The following PARD3 variants were observed in gnomAD, a reference collection of about 807,000 sequenced individuals.
PARD3 encodes partitioning defective 3 homolog.
Under a neutral mutation model 155.4 loss-of-function variants are expected in PARD3, and 75 were observed. The ratio of observed to expected loss-of-function variants is 0.48; its 90% CI spans 0.40 to 0.58. The LOEUF (loss-of-function observed/expected upper bound fraction) is 0.58, where lower values mean the gene tolerates loss of function less well. Among genes scored for constraint, PARD3 ranks in the 20% least tolerant of loss-of-function variants. PARD3 has a pLI of 0.00. For missense variants in PARD3, 1,642 were observed against 1,721.7 expected (o/e 0.95, Z 0.82); for synonymous variants, 576 against 610.5 (o/e 0.94, Z 0.83).
intron 1 of PARD3, among the ~76,000 whole-genome samples, chr10:34,712,871 C>T (rs773095660): frequency 2.0e-5 from 3 of 152,002 alleles, no homozygotes; most frequent in Non-Finnish European, 4.4e-5. Flanking sequence ...CAGCATCATG[C>T]AATATACCCA....
At chr10:34,625,833 C>G (rs939600839) in intron 2 of PARD3, among the ~76,000 whole-genome samples, 9 of 152,134 alleles carry the variant, frequency 5.9e-5, no homozygotes, top group African/African-American at 2.2e-4. Context: ...ATAGCTTGAA[C>G]TGGGGAAGCG....
chr10:34,363,861 T>C (rs1040692326), intron 12 of PARD3, among the ~76,000 whole-genome samples: 5 of 152,222 alleles, frequency 3.3e-5, no homozygotes, highest in Non-Finnish European at 5.9e-5. Context: ...CCTTTGCCCA[T>C]TTCTCCATTA....
At chr10:34,724,354 TG>T (rs1188970677) in intron 1 of PARD3, among the ~76,000 whole-genome samples, 1 of 152,216 alleles carries the variant, frequency 6.6e-6, no homozygotes. Flanking sequence ...CCTCTTGCAG[TG>T]GTGAAGATAG....
chr10:34,127,389 A>G (rs1947344670), intron 23 of PARD3, among the ~76,000 whole-genome samples: 1 of 152,172 alleles, frequency 6.6e-6, no homozygotes, highest in South Asian at 2.1e-4. Flanking sequence ...ACCACCGCAC[A>G]CTGATGTGGT....
intron 2 of PARD3, among the ~76,000 whole-genome samples, chr10:34,630,466 G>A (rs367741215): frequency 1.4e-5 from 2 of 143,940 alleles, no homozygotes; most frequent in South Asian, 2.2e-4. Context: ...TTTTTCTTCC[G>A]GAGACAGGGT....
At chr10:34,531,518 C>T (rs1470247044) in intron 2 of PARD3, among the ~76,000 whole-genome samples, 1 of 152,184 alleles carries the variant, frequency 6.6e-6, no homozygotes, top group Non-Finnish European at 1.5e-5. Context: ...TTTAACCATC[C>T]TGCATCCACA....
At chr10:34,383,324 G>C in intron 8 of PARD3, among the ~76,000 whole-genome samples, 1 of 149,602 alleles carries the variant, frequency 6.7e-6, no homozygotes, top group African/African-American at 2.4e-5. Flanking sequence ...TTCAAAGAAA[G>C]ACAGAGCTTT....
intron 2 of PARD3, among the ~76,000 whole-genome samples, chr10:34,670,856 G>T (rs1390191567): frequency 6.6e-6 from 1 of 152,148 alleles, no homozygotes; most frequent in African/African-American, 2.4e-5. Context: ...AAGGAACTTG[G>T]ATCATCATCA....
chr10:34,741,862 G>C (rs183418283), intron 1 of PARD3, among the ~76,000 whole-genome samples: 1 of 152,154 alleles, frequency 6.6e-6, no homozygotes, highest in Non-Finnish European at 1.5e-5. Flanking sequence ...ACCATTACTG[G>C]TTTTTGTAAA....
intron 4 of PARD3, among the ~76,000 whole-genome samples, chr10:34,469,328 C>T (rs1208722990): frequency 1.3e-5 from 2 of 152,168 alleles, no homozygotes; most frequent in African/African-American, 4.8e-5. Flanking sequence ...CCAGGCGGGC[C>T]TTGACCTCCT....
At chr10:34,350,293 C>G (rs985349514) in intron 14 of PARD3, among the ~76,000 whole-genome samples, 1 of 152,150 alleles carries the variant, frequency 6.6e-6, no homozygotes, top group Non-Finnish European at 1.5e-5. Flanking sequence ...TGGCTGGCCT[C>G]TGCTCCCCCA....
chr10:34,375,091 C>CACACAT (rs886152369), intron 10 of PARD3, 89 bp from the exon 11 acceptor site: 2 of 955,702 alleles, frequency 2.1e-6, no homozygotes, highest in African/African-American at 3.4e-5. Context: ...CACACACACA[C>CACACAT]ACACTCTAGG....
chr10:34,464,683 C>T (rs1278778252), intron 4 of PARD3, among the ~76,000 whole-genome samples: 1 of 152,094 alleles, frequency 6.6e-6, no homozygotes, highest in Non-Finnish European at 1.5e-5. Context: ...GAACTCAACA[C>T]ATAATATAAC....
chr10:34,517,284 G>A, intron 2 of PARD3, 125 bp from the exon 3 acceptor site: 13 of 773,522 alleles, frequency 1.7e-5, no homozygotes, highest in Non-Finnish European at 2.5e-5. Context: ...AGAATGGTAA[G>A]TTTTACGAAG....
At chr10:34,629,444 T>G (rs2092149161) in intron 2 of PARD3, among the ~76,000 whole-genome samples, 1 of 152,226 alleles carries the variant, frequency 6.6e-6, no homozygotes, top group Admixed American at 6.5e-5. Context: ...CGTGTATGTG[T>G]GTGCATGTGC....
intron 22 of PARD3, among the ~76,000 whole-genome samples, chr10:34,157,948 C>A (rs1424600507): frequency 6.6e-6 from 1 of 152,196 alleles, no homozygotes; most frequent in East Asian, 1.9e-4. Flanking sequence ...CATGTAGCAA[C>A]CAGCACAAAT....
In PARD3 at chr10:34,758,168, A is replaced by G. The variant is rs1260717298; in HGVS notation, c.120+56708T>C. Among the ~76,000 whole-genome samples, 2 of 152,250 alleles carry G rather than the reference A, an allele frequency of 1.3e-5. 1 individual carries two copies. The highest frequency in any genetic ancestry group is 1.3e-4 in the Admixed American group (2 of 15,278). On this transcript the variant is annotated intron_variant, in intron 1 of 24. Transcript: ENST00000374788. ...AGAAAACCTCATGCAATCAGGGCTT[A>G]GTACTAACATGAGAAAAGCTAGGAT...
intron 4 of PARD3, among the ~76,000 whole-genome samples, chr10:34,465,787 G>A (rs2077974837): frequency 6.6e-6 from 1 of 151,444 alleles, no homozygotes; most frequent in Non-Finnish European, 1.5e-5. Context: ...ATGGCTTGTA[G>A]CAACTGCACA....
intron 1 of PARD3, among the ~76,000 whole-genome samples, chr10:34,775,789 G>A (rs953811368): frequency 6.6e-6 from 1 of 152,184 alleles, no homozygotes; most frequent in African/African-American, 2.4e-5. Flanking sequence ...GAATCAAGAT[G>A]TAAAGAGAAA....
Sources: allele counts gnomAD v4.1 joint callset (sites outside exome capture counted in the v4.1 genomes callset), GRCh38; gene constraint gnomAD v4.1.1; transcripts MANE v1.5; gene names NCBI Gene and HGNC (gene_info 2026-07-23, HGNC 2026-07-21).